The following SLC20A2 variants were observed in gnomAD, a reference collection of about 807,000 sequenced individuals.
SLC20A2 encodes the protein solute carrier family 20 member 2, also known as sodium-dependent phosphate transporter 2.
In SLC20A2, 30 loss-of-function variants were observed where a neutral mutation model predicts 61.0. That is an observed-to-expected ratio of 0.49 (90% CI 0.37 to 0.67). The LOEUF (loss-of-function observed/expected upper bound fraction) is 0.67, where lower values mean the gene tolerates loss of function less well. Ranked by LOEUF, SLC20A2 falls within the 30% of genes least tolerant of loss-of-function variation. SLC20A2 has a pLI of 0.00. For missense variants in SLC20A2, 626 were observed against 866.4 expected (o/e 0.72, Z 3.48); for synonymous variants, 351 against 353.3 (o/e 0.99, Z 0.07).
chr8:42,540,955 A>G (rs1295384102), intron 1 of SLC20A2: 1 of 152,264 alleles, frequency 6.6e-6, no homozygotes, highest in Non-Finnish European at 1.5e-5. Flanking sequence ...CCAGTTTTGA[A>G]AACACTACGG....
At chr8:42,533,651 G>GTTCTTTTTTTCTTTTT (rs1380902729) in intron 1 of SLC20A2, among the ~76,000 whole-genome samples, 1 of 89,734 alleles carries the variant, frequency 1.1e-5, no homozygotes, top group Non-Finnish European at 2.1e-5. Flanking sequence ...ATGATCAACT[G>GTTCTTTTTTTCTTTTT]TTCTTTTTTT....
At position 42,438,063 on chromosome 8, in the gene SLC20A2, C is replaced by CAAAAAAAAAAAAAAAAA. The variant is rs1391262305; in HGVS notation, c.935-503_935-487dup. Among the ~76,000 whole-genome samples the CAAAAAAAAAAAAAAAAA allele has an allele frequency of 8.2e-3, 220 of 26,686 alleles. 43 individuals carry two copies. The highest frequency in any genetic ancestry group is 0.013 in the East Asian group (8 of 634). 17.5% of individuals were successfully genotyped at this position (26,686 alleles called of 152,430 possible). A position where few individuals can be genotyped will look rare whatever the true frequency, so the allele number is the denominator to read the frequency against. On this transcript the variant is annotated intron_variant, in intron 7 of 10. Coordinates refer to ENST00000520262, the MANE Select transcript of SLC20A2 (RefSeq NM_001257180.2). ...TATGGTTACCACTAAAAAAAAAAAC[C>CAAAAAAAAAAAAAAAAA]AAAAAAAAAAAAAAAAAAAAAAAAA...
intron 5 of SLC20A2, 94 bp from the exon 6 acceptor site, chr8:42,444,856 G>A (rs1012896586): frequency 2.3e-5 from 18 of 786,888 alleles, no homozygotes; most frequent in Middle Eastern, 5.5e-4. Flanking sequence ...AATCGAGAAC[G>A]AATCACCTGG....
At chr8:42,438,472 A>AT (rs1183492381) in intron 7 of SLC20A2, among the ~76,000 whole-genome samples, 4 of 152,070 alleles carry the variant, frequency 2.6e-5, no homozygotes, top group African/African-American at 9.7e-5. Flanking sequence ...ATCCAGGCTA[A>AT]TTTTTTAGGT....
intron 6 of SLC20A2, among the ~76,000 whole-genome samples, chr8:42,442,519 T>C (rs1030330507): frequency 6.6e-6 from 1 of 152,238 alleles, no homozygotes; most frequent in Non-Finnish European, 1.5e-5. Context: ...ATTTGCCACA[T>C]TAGTGTGGGT....
intron 2 of SLC20A2, 89 bp from the exon 3 acceptor site, chr8:42,466,006 A>T: frequency 1.7e-6 from 2 of 1,167,428 alleles, no homozygotes; most frequent in Non-Finnish European, 2.4e-6. Flanking sequence ...CCATAACAAC[A>T]TCTCCCAGAG....
intron 1 of SLC20A2, chr8:42,541,314 G>A (rs955188262): frequency 2.5e-4 from 37 of 148,684 alleles, no homozygotes; most frequent in African/African-American, 9.0e-4. Flanking sequence ...CCGCCGCCGC[G>A]AGCCCCGCCG....
At position 42,467,870 on chromosome 8, in the gene SLC20A2, G is replaced by A. The variant is rs562813881; in HGVS notation, c.290-1953C>T. Among the ~76,000 whole-genome samples, 38 of 152,132 alleles carry A rather than the reference G, an allele frequency of 2.5e-4. 1 individual carries two copies. The highest frequency in any genetic ancestry group is 3.4e-3 in the Middle Eastern group (1 of 294). On this transcript the variant is annotated intron_variant, in intron 2 of 10. Coordinates refer to ENST00000520262, the MANE Select transcript of SLC20A2 (RefSeq NM_001257180.2). ...AAAAGAAAGCCAGGGTTTGGAGCAC[G>A]TTTCATAGCACGGATTCATAGCTTA...
intron 5 of SLC20A2, among the ~76,000 whole-genome samples, chr8:42,452,693 T>C (rs1482186126): frequency 4.6e-5 from 5 of 107,626 alleles, no homozygotes; most frequent in African/African-American, 1.1e-4. Context: ...GAGGAAAAGA[T>C]GGAGGAGGGG....
chr8:42,471,024 C>T, intron 2 of SLC20A2: 1 of 295,282 alleles, frequency 3.4e-6, no homozygotes, highest in Non-Finnish European at 6.7e-6. Context: ...AAATAAAGAA[C>T]TCGGGGGAAT....
At chr8:42,515,191 A>G (rs1036242777) in intron 1 of SLC20A2, among the ~76,000 whole-genome samples, 1 of 152,214 alleles carries the variant, frequency 6.6e-6, no homozygotes, top group Admixed American at 6.5e-5. Context: ...GTAGCGGGGC[A>G]GGAATTGAAT....
intron 6 of SLC20A2, among the ~76,000 whole-genome samples, chr8:42,439,967 TCCAA>T (rs1175087512): frequency 7.3e-5 from 11 of 151,372 alleles, no homozygotes; most frequent in Admixed American, 2.6e-4. Flanking sequence ...CGCCTGTAAT[TCCAA>T]CTACTTGGGA....
Position 42,472,393 on chromosome 8 carries a change from T to C in SLC20A2, c.-3A>G, listed in dbSNP as rs1807714167. 2 of 1,607,408 alleles carry C rather than the reference T, an allele frequency of 1.2e-6. No homozygotes were observed. Among genetic ancestry groups the C allele is most frequent in the Non-Finnish European group, 8.5e-7 (1 of 1,175,186 alleles). ...CACAAATACTCATCCATGGCCATTT[T>C]GGAAAGTGGGTGCCGGGTACTTTTC... On this transcript the variant is annotated 5_prime_UTR_variant, in exon 2 of 11. Coordinates refer to ENST00000520262, the MANE Select transcript of SLC20A2 (RefSeq NM_001257180.2). The surrounding 1 kb of genome is among the most constrained non-coding windows in gnomAD (Gnocchi z 4.1).
chr8:42,469,922 C>T (rs373004933), intron 2 of SLC20A2, among the ~76,000 whole-genome samples: 9 of 148,338 alleles, frequency 6.1e-5, no homozygotes, highest in East Asian at 3.9e-4. Flanking sequence ...AGCGAGATTC[C>T]GTCTCAAAAA....
intron 8 of SLC20A2, among the ~76,000 whole-genome samples, chr8:42,432,628 A>C (rs1803949063): frequency 6.6e-6 from 1 of 152,188 alleles, no homozygotes. Flanking sequence ...AAGTTAATTG[A>C]TGCGGCAAAT....
chr8:42,473,182 G>A (rs867754972), intron 1 of SLC20A2, among the ~76,000 whole-genome samples: 4 of 152,174 alleles, frequency 2.6e-5, no homozygotes, highest in Admixed American at 6.5e-5. Context: ...CAGGCCTGGC[G>A]AGAGGTCACT....
At chr8:42,480,220 G>GC (rs1375737584) in intron 1 of SLC20A2, among the ~76,000 whole-genome samples, 1 of 152,152 alleles carries the variant, frequency 6.6e-6, no homozygotes, top group African/African-American at 2.4e-5. Context: ...TATGACCTCC[G>GC]CTATGTTTAA....
At chr8:42,480,293 C>A (rs1808461002) in intron 1 of SLC20A2, among the ~76,000 whole-genome samples, 2 of 152,162 alleles carry the variant, frequency 1.3e-5, no homozygotes, top group South Asian at 4.1e-4. Context: ...CTCTCTAGGT[C>A]TCTTTTTATT....
chr8:42,467,596 T>C (rs1415849610), intron 2 of SLC20A2, among the ~76,000 whole-genome samples: 1 of 152,232 alleles, frequency 6.6e-6, no homozygotes, highest in African/African-American at 2.4e-5. Context: ...GGATCATTTA[T>C]GGCTGTGCAG....
Sources: allele counts gnomAD v4.1 joint callset (sites outside exome capture counted in the v4.1 genomes callset), GRCh38; gene constraint gnomAD v4.1.1; non-coding constraint Gnocchi (gnomAD v3.1); transcripts MANE v1.5; gene names NCBI Gene and HGNC (gene_info 2026-07-23, HGNC 2026-07-21).